SNTG2: variants seen among roughly 807,000 people sequenced by gnomAD.
The protein encoded by SNTG2 is syntrophin gamma 2.
A neutral mutation model predicts 70.9 loss-of-function variants in SNTG2; 74 were observed. The ratio of observed to expected loss-of-function variants is 1.04; its 90% CI spans 0.86 to 1.27. SNTG2 has a LOEUF of 1.27. Ranked by LOEUF, SNTG2 falls within the 50% of genes most tolerant of loss-of-function variation. The pLI is 0.00. For synonymous variants in SNTG2, 278 were observed against 273.8 expected, an observed-to-expected ratio of 1.02 and a Z score of -0.15; for missense variants, 717 against 690.7, an observed-to-expected ratio of 1.04 and a Z score of -0.43.
chr2:1,346,678 G>C (rs1367454205), intron 16 of SNTG2: 2 of 152,338 alleles, frequency 1.3e-5, no homozygotes, highest in African/African-American at 4.8e-5. Flanking sequence ...GTCTCCTGAG[G>C]TCCCAAGAAG....
chr2:979,586 G>A (rs1029063511), intron 1 of SNTG2, among the ~76,000 whole-genome samples: 2 of 152,142 alleles, frequency 1.3e-5, no homozygotes, highest in Admixed American at 1.3e-4. Context: ...AACTCGCCCC[G>A]TGGCTTTGTT....
In SNTG2 at chr2:1,267,403, G is replaced by A. The variant is rs1386661814; in HGVS notation, c.1116G>A (p.Leu372=). The A allele has an allele frequency of 1.2e-6, 2 of 1,609,886 alleles. No individual in the cohort carries two copies. The highest frequency in any genetic ancestry group is 1.3e-5 in the African/African-American group (1 of 74,890). ...LTEDCWLQAN[L]YLGLQDFDFE... ...AGGACTGCTGGTTGCAAGCAAACTT[G>A]TATCTGGGTCTTCAAGATTTTGACT... Residue 372 remains leucine (L), a synonymous_variant, in exon 14 of 17, where the codon TTG becomes TTA. Transcript: ENST00000308624.
chr2:1,136,116 G>T (rs1668365921), intron 4 of SNTG2, among the ~76,000 whole-genome samples: 1 of 152,070 alleles, frequency 6.6e-6, no homozygotes, highest in South Asian at 2.1e-4. Context: ...AATTTCACAT[G>T]GAATCCACAT....
chr2:1,172,584 A>G (rs4335977), intron 7 of SNTG2, among the ~76,000 whole-genome samples: 37,972 of 152,114 alleles, frequency 0.25, 5,268 homozygotes, highest in East Asian at 0.44. Flanking sequence ...AGCAGGTGTA[A>G]GCTCTGGTTG....
At chr2:968,892 T>C (rs766889892) in intron 1 of SNTG2, among the ~76,000 whole-genome samples, 2 of 152,210 alleles carry the variant, frequency 1.3e-5, no homozygotes, top group Non-Finnish European at 2.9e-5. Flanking sequence ...TATTTGTCAA[T>C]GTTTGGTTTT....
At chr2:1,166,667 G>A (rs1230597215) in intron 7 of SNTG2, among the ~76,000 whole-genome samples, 1 of 152,186 alleles carries the variant, frequency 6.6e-6, no homozygotes, top group South Asian at 2.1e-4. Context: ...CCAGGCCTGT[G>A]CCCATGGACC....
At chr2:1,031,528 A>ATATATATATGTTTTTTTTTTTTT in intron 1 of SNTG2, among the ~76,000 whole-genome samples, 1 of 59,142 alleles carries the variant, frequency 1.7e-5, no homozygotes, top group African/African-American at 8.3e-5. Context: ...ATATATATAT[A>ATATATATATGTTTTTTTTTTTTT]TTTTTTTTTT....
intron 1 of SNTG2, among the ~76,000 whole-genome samples, chr2:966,773 C>T (rs1377935259): frequency 2.0e-5 from 3 of 151,916 alleles, no homozygotes; most frequent in Non-Finnish European, 4.4e-5. Context: ...GGTGAAACCC[C>T]GTCTCTACTA....
chr2:1,099,200 G>C (rs541266893), intron 4 of SNTG2, among the ~76,000 whole-genome samples: 1 of 152,282 alleles, frequency 6.6e-6, no homozygotes, highest in East Asian at 1.9e-4. Context: ...CTGCTCTCCA[G>C]AGCAAGGGGC....
chr2:977,950 C>G (rs1014814193), intron 1 of SNTG2, among the ~76,000 whole-genome samples: 1 of 152,182 alleles, frequency 6.6e-6, no homozygotes, highest in Non-Finnish European at 1.5e-5. Context: ...CATGTAAGAT[C>G]GCTGTCATTA....
chr2:1,183,099 T>C (rs936109519), intron 8 of SNTG2, among the ~76,000 whole-genome samples: 1 of 152,194 alleles, frequency 6.6e-6, no homozygotes, highest in Non-Finnish European at 1.5e-5. Context: ...GTTTTGCCTG[T>C]TTTTGAATTT....
At chr2:955,856 C>T (rs992156312) in intron 1 of SNTG2, among the ~76,000 whole-genome samples, 7 of 152,182 alleles carry the variant, frequency 4.6e-5, no homozygotes, top group Non-Finnish European at 1.0e-4. Flanking sequence ...GGAGGCCTCC[C>T]GTAGTCTGGG....
chr2:1,168,700 G>T (rs1412324731), intron 7 of SNTG2, among the ~76,000 whole-genome samples: 2 of 152,152 alleles, frequency 1.3e-5, no homozygotes, highest in Non-Finnish European at 2.9e-5. Context: ...CGATCTTCCT[G>T]CCATTGTAGC....
chr2:1,069,122 T>G (rs6751259), intron 1 of SNTG2, among the ~76,000 whole-genome samples: 3 of 152,112 alleles, frequency 2.0e-5, no homozygotes, highest in Admixed American at 1.3e-4. Context: ...GTTTATTATC[T>G]CGAGTCATAA....
At chr2:1,287,720 C>G (rs80018795) in intron 14 of SNTG2, among the ~76,000 whole-genome samples, 1 of 152,250 alleles carries the variant, frequency 6.6e-6, no homozygotes, top group Non-Finnish European at 1.5e-5. Context: ...AACAACTTCA[C>G]GCGCTGACAG....
intron 16 of SNTG2, among the ~76,000 whole-genome samples, chr2:1,360,058 A>C (rs538663484): frequency 6.3e-3 from 84 of 13,390 alleles, no homozygotes; most frequent in African/African-American, 0.017. Context: ...TTCCCATAGG[A>C]AAAAAAAAAG....
In SNTG2 at chr2:1,026,286, C is replaced by T. The variant is rs1252000287; in HGVS notation, c.73-57232C>T. On this transcript the variant is annotated intron_variant, in intron 1 of 16. Coordinates refer to ENST00000308624, the MANE Select transcript of SNTG2 (RefSeq NM_018968.4). ...GATTATTAATCAGACTCTCAATTGG[C>T]GTTCCTCTTCAGCACTTAGCGTGAA... Among the ~76,000 whole-genome samples, 4 of 152,290 alleles carry T rather than the reference C, an allele frequency of 2.6e-5. No homozygotes were observed. The East Asian group carries it at 7.7e-4, about 29-fold the overall frequency.
At chr2:1,007,905 C>T (rs537573642) in intron 1 of SNTG2, among the ~76,000 whole-genome samples, 37 of 152,164 alleles carry the variant, frequency 2.4e-4, no homozygotes, top group Middle Eastern at 3.2e-3. Flanking sequence ...CAGATGACTG[C>T]CACTGCACCT....
intron 4 of SNTG2, among the ~76,000 whole-genome samples, chr2:1,117,874 C>T (rs1251943230): frequency 1.3e-5 from 2 of 152,250 alleles, no homozygotes; most frequent in Non-Finnish European, 1.5e-5. Context: ...GGCACCTCAT[C>T]TCCTGGGCTC....
Sources: gnomAD v4.1 joint callset for allele counts (sites outside exome capture counted in the v4.1 genomes callset) on GRCh38, gnomAD v4.1.1 for gene constraint, MANE v1.5 for transcripts, NCBI Gene and HGNC (gene_info 2026-07-23, HGNC 2026-07-21) for gene names.